Variants in COL18A1 observed in about 807,000 individuals in gnomAD.
COL18A1 encodes collagen type XVIII alpha 1 chain.
In COL18A1, 133 loss-of-function variants were observed where a neutral mutation model predicts 168.0. The ratio of observed to expected loss-of-function variants is 0.79; its 90% CI spans 0.69 to 0.91. The LOEUF (loss-of-function observed/expected upper bound fraction) is 0.91, where lower values mean the gene tolerates loss of function less well. Ranked by LOEUF, COL18A1 falls within the 40% of genes least tolerant of loss-of-function variation. COL18A1 has a pLI of 0.00. For synonymous variants in COL18A1, 949 were observed against 809.0 expected (o/e 1.17, Z -2.94); for missense variants, 2,126 against 1,925.4 (o/e 1.10, Z -1.95).
intron 2 of COL18A1, among the ~76,000 whole-genome samples, chr21:45,460,798 C>G (rs945433323): frequency 6.6e-6 from 1 of 152,200 alleles, no homozygotes; most frequent in African/African-American, 2.4e-5. Flanking sequence ...CTAAGCTTCT[C>G]GTAAATTCTC....
intron 9 of COL18A1, among the ~76,000 whole-genome samples, chr21:45,478,567 A>G (rs1301186956): frequency 1.3e-5 from 2 of 152,150 alleles, no homozygotes; most frequent in East Asian, 3.9e-4. Flanking sequence ...TTGGGCCACA[A>G]CTACCATGAA....
At chr21:45,489,334 G>T (rs1267134952) in intron 18 of COL18A1, 152 bp from the exon 19 acceptor site, 9 of 723,030 alleles carry the variant, frequency 1.2e-5, no homozygotes, top group South Asian at 1.1e-4. Context: ...TGCACAAGTT[G>T]CTCAGTGTCC....
chr21:45,428,515 C>T (rs901841100), intron 2 of COL18A1, among the ~76,000 whole-genome samples: 2 of 152,188 alleles, frequency 1.3e-5, no homozygotes, highest in African/African-American at 2.4e-5. Flanking sequence ...CATCTTAAAG[C>T]GAACAATTCG....
At chr21:45,508,421 T>C (rs1218726872) in intron 38 of COL18A1, among the ~76,000 whole-genome samples, 2 of 143,518 alleles carry the variant, frequency 1.4e-5, no homozygotes, top group Non-Finnish European at 3.0e-5. Flanking sequence ...AGTGGATGAA[T>C]GGGTGGATGG....
At chr21:45,456,783 C>A in intron 2 of COL18A1, 2 of 1,541,502 alleles carry the variant, frequency 1.3e-6, no homozygotes, top group Non-Finnish European at 1.7e-6. Context: ...CTGCAGGATG[C>A]GTGTTGGAGC....
At chr21:45,458,675 C>T (rs1568884173) in intron 2 of COL18A1, among the ~76,000 whole-genome samples, 1 of 152,152 alleles carries the variant, frequency 6.6e-6, no homozygotes, top group Non-Finnish European at 1.5e-5. Flanking sequence ...GTCCTGGAGC[C>T]CCGGGAGGCT....
rs749541171 is a variant in COL18A1, at chr21:45,505,187, A to AC, written c.2928dup (p.Gly977ArgfsTer110). 27 of 1,604,030 alleles carry AC rather than the reference A, an allele frequency of 1.7e-5. No homozygotes were observed. Among genetic ancestry groups the AC allele is most frequent in the East Asian group, 2.2e-5 (1 of 44,498 alleles). ...AGCCCGGCCCACCTGGACCTCAGGG[A>AC]CCCCCCGGCATCGGCTACGAGGGGC... is the stretch of plus-strand genomic sequence containing the variant. On this transcript the variant is annotated frameshift_variant, in exon 35 of 42. Transcript: ENST00000651438. LOFTEE classifies it high-confidence loss of function.
At chr21:45,479,846 G>A (rs2035830982) in intron 9 of COL18A1, 56 bp from the exon 10 acceptor site, 3 of 1,610,024 alleles carry the variant, frequency 1.9e-6, no homozygotes, top group South Asian at 2.2e-5. Context: ...TGAGAGTGCT[G>A]GGTGCGGCCC....
rs1181689604 is a variant in COL18A1 at position 45,511,223 on chromosome 21, C to A, written c.3806C>A (p.Thr1269Asn). 6 of 1,556,532 alleles carry A rather than the reference C, an allele frequency of 3.9e-6. No homozygotes were observed. The East Asian group carries it at 1.4e-4, about 36-fold the overall frequency. ...GGCAAGGACGTCCTGAGGCACCCCA[C>A]CTGGTAGGTTCCCAGTGCCGTGTGA... ...FDGKDVLRHP[T>N]WPQKSVWHGS... Residue 1269 changes from threonine (T) to asparagine (N), a missense_variant, in exon 41 of 42, where the codon ACC becomes AAC. Physicochemically the swap from Thr to Asn is moderately conservative, Grantham distance 65. Coordinates refer to ENST00000651438, the MANE Select transcript of COL18A1 (RefSeq NM_001379500.1).
chr21:45,430,822 A>G (rs2033936344), intron 2 of COL18A1, among the ~76,000 whole-genome samples: 2 of 152,164 alleles, frequency 1.3e-5, no homozygotes, highest in Non-Finnish European at 1.5e-5. Flanking sequence ...CTGCCCTGGG[A>G]AGCCGGGATC....
intron 9 of COL18A1, among the ~76,000 whole-genome samples, chr21:45,478,806 C>T (rs534203687): frequency 4.6e-5 from 7 of 152,246 alleles, no homozygotes; most frequent in Non-Finnish European, 7.3e-5. Flanking sequence ...TGATCGACTG[C>T]GAATAAAGAC....
At chr21:45,448,325 C>T (rs569511803) in intron 2 of COL18A1, among the ~76,000 whole-genome samples, 90 of 152,328 alleles carry the variant, frequency 5.9e-4, no homozygotes, top group Admixed American at 1.8e-3. Flanking sequence ...GGTATCCATG[C>T]GTGTGCACAC....
intron 2 of COL18A1, among the ~76,000 whole-genome samples, chr21:45,432,852 C>A (rs1025762096): frequency 6.6e-6 from 1 of 152,188 alleles, no homozygotes; most frequent in Admixed American, 6.5e-5. Flanking sequence ...CTCGGTACAG[C>A]CGGGAGGGGC....
intron 2 of COL18A1, among the ~76,000 whole-genome samples, chr21:45,465,899 G>A (rs748155963): frequency 3.3e-5 from 5 of 152,324 alleles, no homozygotes; most frequent in African/African-American, 4.8e-5. Context: ...GCAGGACATT[G>A]GGTGTGGCCC....
At chr21:45,493,135 G>C (rs115033623) in intron 24 of COL18A1, 28 bp from the exon 25 acceptor site, 1 of 1,549,414 alleles carries the variant, frequency 6.5e-7, no homozygotes, top group South Asian at 1.2e-5. Context: ...CCAGCCGCTC[G>C]GGCCTCACGG....
intron 25 of COL18A1, 54 bp from the exon 26 acceptor site, chr21:45,493,447 G>A: frequency 2.0e-6 from 3 of 1,487,748 alleles, no homozygotes; most frequent in Non-Finnish European, 1.8e-6. Context: ...CTCTGGGTGA[G>A]GCTTTGTGGG....
At chr21:45,459,703 G>A (rs947108669) in intron 2 of COL18A1, among the ~76,000 whole-genome samples, 1 of 152,328 alleles carries the variant, frequency 6.6e-6, no homozygotes, top group African/African-American at 2.4e-5. Context: ...GAGGAAGGGA[G>A]TGAGGCCCCC....
Position 45,457,727 on chromosome 21 carries a change from A to G in COL18A1, c.107-10515A>G, listed in dbSNP as rs1250414029. ...CTGGCAGCCTTGGCCCAGAGGCCCTATCCCCGCAGGGTGAGGTGCTCTGTC... is the reference window on the plus strand; with the variant it reads ...CTGGCAGCCTTGGCCCAGAGGCCCTGTCCCCGCAGGGTGAGGTGCTCTGTC... On this transcript the variant is annotated intron_variant, in intron 2 of 41. Coordinates refer to ENST00000651438, the MANE Select transcript of COL18A1 (RefSeq NM_001379500.1). This position sits in a 1 kb window ranked among gnomAD's most constrained non-coding sequence, Gnocchi z 4.6. 2.0e-5 allele frequency among the ~76,000 whole-genome samples: 3 copies of G among 152,290 alleles called. No individual in the cohort carries two copies. The highest frequency in any genetic ancestry group is 2.9e-5 in the Non-Finnish European group (2 of 68,028).
intron 2 of COL18A1, among the ~76,000 whole-genome samples, chr21:45,411,118 C>G (rs931613675): frequency 3.3e-5 from 5 of 152,182 alleles, no homozygotes; most frequent in Admixed American, 3.3e-4. Context: ...ATGGGAGAGA[C>G]AGGGGTAGTG....
Sources: gnomAD v4.1 joint callset for allele counts (sites outside exome capture counted in the v4.1 genomes callset) on GRCh38, gnomAD v4.1.1 for gene constraint, Gnocchi (gnomAD v3.1) non-coding constraint, MANE v1.5 for transcripts, NCBI Gene and HGNC (gene_info 2026-07-23, HGNC 2026-07-21) for gene names.